KAZN: variants seen among roughly 807,000 people sequenced by gnomAD.
KAZN encodes the protein kazrin.
A neutral mutation model predicts 87.4 loss-of-function variants in KAZN; 40 were observed. The observed-to-expected ratio is 0.46, with a 90% confidence interval of 0.36 to 0.60. The LOEUF is 0.60. KAZN is among the 20% of genes least tolerant of loss of function. KAZN has a pLI of 0.00. For missense variants in KAZN, 898 were observed against 1,073.9 expected (o/e 0.84, Z 2.29); for synonymous variants, 466 against 458.3 (o/e 1.02, Z -0.22).
intron 8 of KAZN, among the ~76,000 whole-genome samples, chr1:15,079,602 C>G (rs1274667506): frequency 6.6e-6 from 1 of 152,196 alleles, no homozygotes; most frequent in East Asian, 1.9e-4. Context: ...CGTGCCCGGC[C>G]TCTGCATGGG....
intron 2 of KAZN, among the ~76,000 whole-genome samples, chr1:14,311,700 A>C (rs1209593367): frequency 6.6e-6 from 1 of 152,144 alleles, no homozygotes; most frequent in Non-Finnish European, 1.5e-5. Flanking sequence ...TGAATTAATA[A>C]ATATTGGATG....
intron 1 of KAZN, among the ~76,000 whole-genome samples, chr1:14,836,189 C>T (rs1026821592): frequency 1.3e-5 from 2 of 152,112 alleles, no homozygotes; most frequent in African/African-American, 4.8e-5. Flanking sequence ...CTCTGGTGCT[C>T]GCTAAAGACT....
chr1:15,068,974 C>G lies in KAZN; in HGVS notation c.1222+3221C>G, dbSNP rs546776657. ...GGAAGGCCAGGAAAGCCCTGGGTGA[C>G]AAGGAACTTAGGGCCATCTACCCCA... is the stretch of plus-strand genomic sequence containing the variant. On this transcript the variant is annotated intron_variant, in intron 8 of 14. Coordinates refer to ENST00000376030, the MANE Select transcript of KAZN (RefSeq NM_201628.3). Among the ~76,000 whole-genome samples the G allele has an allele frequency of 4.6e-5, 7 of 151,534 alleles. No individual in the cohort carries two copies. In the South Asian group the frequency reaches 1.0e-3, roughly 23 times the overall value.
chr1:14,874,120 C>T (rs1467868724), intron 1 of KAZN, among the ~76,000 whole-genome samples: 3 of 152,116 alleles, frequency 2.0e-5, no homozygotes, highest in Non-Finnish European at 4.4e-5. Context: ...CAGGGCTGGT[C>T]ATATCCATTT....
chr1:14,997,744 T>C (rs924053526), intron 2 of KAZN, among the ~76,000 whole-genome samples: 1 of 151,800 alleles, frequency 6.6e-6, no homozygotes, highest in Non-Finnish European at 1.5e-5. Context: ...GGCAGCAGGG[T>C]TCAGAGCCTC....
intron 2 of KAZN, among the ~76,000 whole-genome samples, chr1:14,967,442 G>T (rs1209978301): frequency 6.6e-6 from 1 of 152,182 alleles, no homozygotes; most frequent in Non-Finnish European, 1.5e-5. Flanking sequence ...CTCAGGGCCT[G>T]TTTTTGGCAG....
At position 14,331,472 on chromosome 1, in the gene KAZN, G is replaced by A. The variant is rs58327346; in HGVS notation, c.249+150880G>A. 6.6e-3 allele frequency among the ~76,000 whole-genome samples: 1,007 copies of A among 152,122 alleles called. 10 individuals are homozygous for A. Among genetic ancestry groups the A allele is most frequent in the African/African-American group, 0.023 (962 of 41,488 alleles). On this transcript the variant is annotated intron_variant, in intron 2 of 16. Transcript: ENST00000636203. ...TATGGCATTGGAAGTGAGAAGAGAG[G>A]GATTCTTACTAATTTTACTTTTATA...
At chr1:14,464,424 C>G (rs1208049640) in intron 2 of KAZN, among the ~76,000 whole-genome samples, 1 of 152,206 alleles carries the variant, frequency 6.6e-6, no homozygotes, top group Non-Finnish European at 1.5e-5. Flanking sequence ...GACATATGCT[C>G]TTTGGTTTAC....
At chr1:14,830,604 A>G (rs1051777511) in intron 1 of KAZN, among the ~76,000 whole-genome samples, 1 of 152,188 alleles carries the variant, frequency 6.6e-6, no homozygotes, top group African/African-American at 2.4e-5. Flanking sequence ...GAAACTTACA[A>G]TCATGAGGAA....
chr1:14,815,450 T>C (rs1646534355), intron 1 of KAZN, among the ~76,000 whole-genome samples: 1 of 152,186 alleles, frequency 6.6e-6, no homozygotes, highest in Non-Finnish European at 1.5e-5. Context: ...ATAACGTTAA[T>C]GATAATCTTC....
intron 2 of KAZN, among the ~76,000 whole-genome samples, chr1:14,200,387 A>G (rs1377410574): frequency 6.6e-6 from 1 of 152,122 alleles, no homozygotes; most frequent in Non-Finnish European, 1.5e-5. Context: ...TTGAATTTCT[A>G]TAGTATGTTA....
intron 2 of KAZN, among the ~76,000 whole-genome samples, chr1:14,285,366 C>T (rs942252490): frequency 1.3e-5 from 2 of 152,182 alleles, no homozygotes; most frequent in African/African-American, 4.8e-5. Context: ...GAGGCTTTGG[C>T]AGTCTATTGG....
chr1:14,447,181 C>T (rs752695174), intron 2 of KAZN, among the ~76,000 whole-genome samples: 1 of 150,430 alleles, frequency 6.6e-6, no homozygotes, highest in Non-Finnish European at 1.5e-5. Context: ...TCTTCTAGTT[C>T]TCCCTTGGAA....
At chr1:14,909,979 G>A (rs968691890) in intron 1 of KAZN, among the ~76,000 whole-genome samples, 1 of 152,156 alleles carries the variant, frequency 6.6e-6, no homozygotes, top group Non-Finnish European at 1.5e-5. Context: ...CTTGCACCTG[G>A]GAGGCGGAGG....
intron 2 of KAZN, among the ~76,000 whole-genome samples, chr1:14,538,958 G>A (rs867244100): frequency 6.6e-6 from 1 of 152,134 alleles, no homozygotes; most frequent in Non-Finnish European, 1.5e-5. Context: ...CATTAGGGGA[G>A]GCGAGTGGAT....
chr1:14,749,353 G>C (rs959742227), intron 1 of KAZN, among the ~76,000 whole-genome samples: 10 of 152,326 alleles, frequency 6.6e-5, no homozygotes, highest in African/African-American at 2.4e-4. Flanking sequence ...AATAGGCTAA[G>C]ATTTCTTTTT....
intron 1 of KAZN, among the ~76,000 whole-genome samples, chr1:14,805,191 A>T (rs1329419767): frequency 1.3e-5 from 2 of 152,172 alleles, no homozygotes; most frequent in Non-Finnish European, 2.9e-5. Flanking sequence ...CTTCTGTGAG[A>T]GTCCAGAGGA....
At chr1:14,330,569 A>G (rs1408490543) in intron 2 of KAZN, among the ~76,000 whole-genome samples, 3 of 152,224 alleles carry the variant, frequency 2.0e-5, no homozygotes, top group Admixed American at 2.0e-4. Context: ...AATAACACCA[A>G]TTCACTTGAA....
chr1:15,112,658 G>C, intron 14 of KAZN, 117 bp downstream of exon 14: 1 of 670,244 alleles, frequency 1.5e-6, no homozygotes, highest in Non-Finnish European at 2.7e-6. Flanking sequence ...TGCCAGGCCG[G>C]GTCACGGGGG....
Sources: allele counts gnomAD v4.1 joint callset (sites outside exome capture counted in the v4.1 genomes callset), GRCh38; gene constraint gnomAD v4.1.1; transcripts MANE v1.5; gene names NCBI Gene and HGNC (gene_info 2026-07-23, HGNC 2026-07-21).